The following NRP1 variants were observed in gnomAD, a reference collection of about 807,000 sequenced individuals.
NRP1 encodes neuropilin-1.
NRP1 carries 35 observed loss-of-function variants against 106.7 expected under a neutral mutation model. The observed-to-expected ratio is 0.33, with a 90% CI of 0.25 to 0.43. The LOEUF is 0.43. Among genes scored for constraint, NRP1 ranks in the 20% least tolerant of loss-of-function variants. The pLI is 1.00. For synonymous variants in NRP1, 437 were observed against 417.9 expected (o/e 1.05, Z -0.56); for missense variants, 1,024 against 1,170.4 (o/e 0.87, Z 1.83).
At chr10:33,220,355 C>T (rs755256383) in intron 8 of NRP1, among the ~76,000 whole-genome samples, 4 of 152,086 alleles carry the variant, frequency 2.6e-5, no homozygotes, top group Non-Finnish European at 4.4e-5. Flanking sequence ...ACCCCAAATA[C>T]ATATATAACA....
chr10:33,320,725 CAG>C (rs1405557534), intron 2 of NRP1, among the ~76,000 whole-genome samples: 1 of 152,196 alleles, frequency 6.6e-6, no homozygotes, highest in Non-Finnish European at 1.5e-5. Flanking sequence ...ATACAAGTGT[CAG>C]CTGTTTAAAC....
chr10:33,207,736 C>A lies in NRP1; in HGVS notation c.1615-20G>T. On this transcript the variant is annotated intron_variant, in intron 9 of 16. Coordinates refer to ENST00000374867, the MANE Select transcript of NRP1 (RefSeq NM_003873.7). ...AAAAGACTGTGAAGCATGGAAAACACAGGGCATTAAGGAAAAAAAAAAACA... is the reference window on the plus strand; with the variant it reads ...AAAAGACTGTGAAGCATGGAAAACAAAGGGCATTAAGGAAAAAAAAAAACA... 2.5e-6 allele frequency: 4 copies of A among 1,604,718 alleles called. No individual in the cohort carries two copies. The highest frequency in any genetic ancestry group is 3.4e-6 in the Non-Finnish European group (4 of 1,177,022).
At chr10:33,230,765 T>C (rs963661244) in intron 6 of NRP1, among the ~76,000 whole-genome samples, 2 of 152,166 alleles carry the variant, frequency 1.3e-5, no homozygotes, top group East Asian at 1.9e-4. Context: ...TCTGAATCTA[T>C]TTCTTTGGTT....
At chr10:33,180,496 G>C in intron 16 of NRP1, 131 bp from the exon 17 acceptor site, 1 of 884,878 alleles carries the variant, frequency 1.1e-6, no homozygotes, top group Non-Finnish European at 1.7e-6. Flanking sequence ...CTGACTCATT[G>C]TTGGGAACAG....
At chr10:33,271,531 C>T (rs1211643671) in intron 2 of NRP1, among the ~76,000 whole-genome samples, 4 of 152,116 alleles carry the variant, frequency 2.6e-5, no homozygotes, top group Non-Finnish European at 5.9e-5. Flanking sequence ...TTTGTTTATA[C>T]CCACTAGTCT....
chr10:33,240,353 T>C (rs972937473), intron 6 of NRP1, among the ~76,000 whole-genome samples: 1 of 152,226 alleles, frequency 6.6e-6, no homozygotes, highest in Admixed American at 6.5e-5. Flanking sequence ...ATCTGCACGA[T>C]TGGGTGATTT....
rs1207182603 is a variant in NRP1, at chr10:33,264,711, TCCATGCATATAGTGCAGGTTGAC to T, written c.431-861_431-839del. Among the ~76,000 whole-genome samples, 3 of 152,202 alleles carry T rather than the reference TCCATGCATATAGTGCAGGTTGAC, an allele frequency of 2.0e-5. No individual in the cohort carries two copies. In the South Asian group the frequency reaches 6.2e-4, roughly 31 times the overall value. ...TTGTCATTGAAATTGGTCAAGAGCA[TCCATGCATATAGTGCAGGTTGAC>T]CTTATGCCTGTATGAATGACTCCAA... is the stretch of plus-strand genomic sequence containing the variant. On this transcript the variant is annotated intron_variant, in intron 3 of 16. Coordinates refer to ENST00000374867, the MANE Select transcript of NRP1 (RefSeq NM_003873.7).
chr10:33,332,004 G>A (rs1032941213), intron 1 of NRP1, among the ~76,000 whole-genome samples: 1 of 152,134 alleles, frequency 6.6e-6, no homozygotes, highest in Non-Finnish European at 1.5e-5. Flanking sequence ...AAAGAGAATG[G>A]CATTCTTTGC....
intron 6 of NRP1, among the ~76,000 whole-genome samples, chr10:33,229,792 A>G (rs756729872): frequency 6.6e-6 from 1 of 152,184 alleles, no homozygotes; most frequent in East Asian, 1.9e-4. Flanking sequence ...CCCAAAGCAT[A>G]TGCATGAATC....
chr10:33,226,749 A>G (rs1415267515), intron 6 of NRP1, among the ~76,000 whole-genome samples: 1 of 152,216 alleles, frequency 6.6e-6, no homozygotes, highest in Admixed American at 6.5e-5. Flanking sequence ...AGACATTCCT[A>G]AGTCTTTAGA....
At chr10:33,334,222 C>A in intron 1 of NRP1, 88 bp downstream of exon 1, 1 of 1,235,990 alleles carries the variant, frequency 8.1e-7, no homozygotes, top group Non-Finnish European at 1.1e-6. Flanking sequence ...CCCGGCTGAT[C>A]CCGGGAAGCC....
At chr10:33,186,125 A>G in intron 14 of NRP1, 92 bp downstream of exon 14, 2 of 1,454,078 alleles carry the variant, frequency 1.4e-6, no homozygotes, top group Non-Finnish European at 1.8e-6. Flanking sequence ...TAATTTCGGA[A>G]TAATTCCCAT....
intron 6 of NRP1, among the ~76,000 whole-genome samples, chr10:33,238,923 G>T (rs1024675166): frequency 6.6e-6 from 1 of 151,866 alleles, no homozygotes; most frequent in African/African-American, 2.4e-5. Flanking sequence ...GTGTGTGTGT[G>T]TGTGTGTGTA....
intron 10 of NRP1, among the ~76,000 whole-genome samples, chr10:33,206,642 G>C (rs144536570): frequency 6.6e-6 from 1 of 152,302 alleles, no homozygotes; most frequent in East Asian, 1.9e-4. Context: ...GAGCATATAT[G>C]CTCGGTTGAT....
intron 10 of NRP1, among the ~76,000 whole-genome samples, chr10:33,204,311 T>A (rs1232914759): frequency 2.0e-5 from 3 of 152,132 alleles, no homozygotes; most frequent in Non-Finnish European, 2.9e-5. Flanking sequence ...TTTCAACTTC[T>A]TCAACGGCCC....
intron 6 of NRP1, among the ~76,000 whole-genome samples, chr10:33,228,185 C>T (rs1839822580): frequency 6.6e-6 from 1 of 151,720 alleles, no homozygotes; most frequent in Admixed American, 6.6e-5. Context: ...TTTTAAAGGA[C>T]ACAGAAAATA....
chr10:33,261,996 A>G (rs1423534171), intron 4 of NRP1, among the ~76,000 whole-genome samples: 1 of 152,166 alleles, frequency 6.6e-6, no homozygotes. Context: ...TTGGCCTCCC[A>G]AAGTGTTGGG....
chr10:33,268,091 T>C (rs958700717), intron 3 of NRP1, among the ~76,000 whole-genome samples: 6 of 152,250 alleles, frequency 3.9e-5, no homozygotes, highest in African/African-American at 1.2e-4. Flanking sequence ...CCATGAATTC[T>C]ATAATATCAT....
intron 6 of NRP1, among the ~76,000 whole-genome samples, chr10:33,230,442 G>A (rs186409484): frequency 1.3e-3 from 202 of 152,304 alleles, no homozygotes; most frequent in African/African-American, 4.7e-3. Flanking sequence ...CTGCCTAAAA[G>A]CAGGAGATAC....
Sources: gnomAD v4.1 joint callset for allele counts (sites outside exome capture counted in the v4.1 genomes callset) on GRCh38, gnomAD v4.1.1 for gene constraint, MANE v1.5 for transcripts, NCBI Gene and HGNC (gene_info 2026-07-23, HGNC 2026-07-21) for gene names.